The following CACNA1I variants were observed in gnomAD, a reference collection of about 807,000 sequenced individuals.
CACNA1I encodes the protein voltage-dependent T-type calcium channel subunit alpha-1I.
Under a neutral mutation model 201.6 loss-of-function variants are expected in CACNA1I, and 74 were observed. That is an observed-to-expected ratio of 0.37 (90% CI 0.30 to 0.45). The LOEUF is 0.45. CACNA1I is among the 20% of genes least tolerant of loss of function. CACNA1I has a pLI of 1.00. For synonymous variants in CACNA1I, 1,431 were observed against 1,345.2 expected (o/e 1.06, Z -1.40); for missense variants, 2,346 against 3,138.1 (o/e 0.75, Z 6.03).
In CACNA1I at chr22:39,666,274, C is replaced by T. The variant is rs78136181; in HGVS notation, c.4104+268C>T. On this transcript the variant is annotated intron_variant, in intron 23 of 36. Coordinates refer to ENST00000402142, the MANE Select transcript of CACNA1I (RefSeq NM_021096.4). This position sits in a 1 kb window ranked among gnomAD's most constrained non-coding sequence, Gnocchi z 4.1. ...AACATTGGTTCTTGGCTCCCACCCC[C>T]GACCCAGGGACCCCTGACAGGAGTT... Among the ~76,000 whole-genome samples, 3 of 152,128 alleles carry T rather than the reference C, an allele frequency of 2.0e-5. No individual in the cohort carries two copies. The highest frequency in any genetic ancestry group is 4.8e-5 in the African/African-American group (2 of 41,496).
rs1422268796 is a variant in CACNA1I, at chr22:39,665,902, C to T, written c.4000C>T (p.His1334Tyr). The T allele has an allele frequency of 6.2e-7, 1 of 1,613,886 alleles. No homozygotes were observed. The highest frequency in any genetic ancestry group is 2.2e-5 in the East Asian group (1 of 44,878). Residue 1334 changes from histidine (H) to tyrosine (Y), a missense_variant, in exon 23 of 37, where the codon CAC (histidine) becomes TAC (tyrosine). Physicochemically the swap from His to Tyr is moderately conservative, Grantham distance 83. Transcript: ENST00000402142. This position sits in a 1 kb window ranked among gnomAD's most constrained non-coding sequence, Gnocchi z 5.5. The part of the protein sequence containing the change: ...GVQLFKGKFY[H>Y]CLGVDTRNIT... ...CCAGCTCTTCAAGGGCAAGTTCTAC[C>T]ACTGTCTGGGCGTGGACACCCGCAA...
At chr22:39,600,745 G>T in intron 3 of CACNA1I, 92 bp downstream of exon 3, 1 of 1,432,878 alleles carries the variant, frequency 7.0e-7, no homozygotes. Context: ...GCGATGAAGG[G>T]GAATCACGGT....
At chr22:39,647,676 A>AGTG in intron 8 of CACNA1I, 146 bp from the exon 9 acceptor site, 1 of 607,392 alleles carries the variant, frequency 1.6e-6, no homozygotes, top group Non-Finnish European at 3.0e-6. Flanking sequence ...GGCCTCCCAA[A>AGTG]GTGCTAGGAT....
chr22:39,598,952 T>TTG (rs2145826558), intron 2 of CACNA1I, among the ~76,000 whole-genome samples: 1 of 130,998 alleles, frequency 7.6e-6, no homozygotes, highest in Admixed American at 7.5e-5. Context: ...TTTTTTTTTT[T>TTG]TTTTTTTTTT....
intron 5 of CACNA1I, among the ~76,000 whole-genome samples, chr22:39,640,095 C>T (rs1353006283): frequency 6.6e-6 from 1 of 151,942 alleles, no homozygotes; most frequent in Non-Finnish European, 1.5e-5. Context: ...AAATCAAAGT[C>T]CAGAGAAGGG....
Position 39,682,580 on chromosome 22 carries a change from G to A in CACNA1I, c.5749G>A (p.Asp1917Asn), listed in dbSNP as rs1935737681. ...CTTGTCCTCTACGGCCGTCTCGCCG[G>A]ATCCAGAGAACTTCCTGTGTGAGAT... ...FPLSSTAVSP[D>N]PENFLCEMEE... is the part of the protein sequence containing the mutation. The change falls in exon 35 of 37, where the codon GAT becomes AAT. Residue 1917 changes from aspartate (D) to asparagine (N), a missense_variant. Asp to Asn is a conservative substitution (Grantham distance 23). Transcript: ENST00000402142. The A allele has an allele frequency of 6.2e-7, 1 of 1,613,666 alleles. No individual in the cohort carries two copies. Among genetic ancestry groups the A allele is most frequent in the Non-Finnish European group, 8.5e-7 (1 of 1,179,852 alleles).
chr22:39,687,563 G>C lies in CACNA1I; in HGVS notation c.*1158G>C, dbSNP rs918075047. 2.0e-5 allele frequency: 3 copies of C among 152,202 alleles called. No homozygotes were observed. Among genetic ancestry groups the C allele is most frequent in the African/African-American group, 7.2e-5 (3 of 41,408 alleles). The allele number at this position is 152,202 out of a possible 1,614,324, so 9.4% of individuals were successfully genotyped here. On this transcript the variant is annotated 3_prime_UTR_variant, in exon 37 of 37. Transcript: ENST00000402142. ...ATTCTAGGCAGGGGTGGGGGCACCT[G>C]CCTGGGCCCTGGGTCCAGCCGCATC...
Position 39,679,130 on chromosome 22 carries a change from C to G in CACNA1I, c.5079C>G (p.His1693Gln). ...AGGACACGCTGCGGGACTGCACCCACGACGAGCGCAGCTGCCTGAGCAGCC... is the reference window on the plus strand; with the variant it reads ...AGGACACGCTGCGGGACTGCACCCAGGACGAGCGCAGCTGCCTGAGCAGCC... ...IMKDTLRDCT[H>Q]DERSCLSSLQ... The change falls in exon 32 of 37, where the codon CAC (histidine) becomes CAG (glutamine). Residue 1693 changes from histidine (H) to glutamine (Q), a missense_variant. By Grantham distance (24) the His-to-Gln change is conservative. Around this residue, in one of 13 missense-constraint regions of CACNA1I, gnomAD observed 64 missense variants for 131.8 expected, o/e 0.49. Transcript: ENST00000402142. 1 of 1,593,860 alleles carries G rather than the reference C, an allele frequency of 6.3e-7. No individual in the cohort carries two copies. Among genetic ancestry groups the G allele is most frequent in the Non-Finnish European group, 8.5e-7 (1 of 1,171,268 alleles).
At chr22:39,678,240 G>T (rs917715118) in intron 31 of CACNA1I, 132 bp downstream of exon 31, 135 of 1,086,326 alleles carry the variant, frequency 1.2e-4, no homozygotes, top group Non-Finnish European at 1.4e-4. Flanking sequence ...GCACGGAGGA[G>T]TGGAGGGGCC....
Position 39,622,934 on chromosome 22 carries a change from C to A in CACNA1I, c.580+3527C>A, listed in dbSNP as rs375662873. 6.6e-5 allele frequency among the ~76,000 whole-genome samples: 10 copies of A among 152,318 alleles called. No homozygotes were observed. In the East Asian group the frequency reaches 1.9e-3, roughly 29 times the overall value. Reference sequence around the variant, plus strand: ...GGGACCATGGTCACACTCCAGGCCACGGAGCCCACAGGCACCGCCACCTTC... The same window carrying A: ...GGGACCATGGTCACACTCCAGGCCAAGGAGCCCACAGGCACCGCCACCTTC... On this transcript the variant is annotated intron_variant, in intron 4 of 36. Coordinates refer to ENST00000402142, the MANE Select transcript of CACNA1I (RefSeq NM_021096.4).
chr22:39,673,126 C>G, intron 28 of CACNA1I, 44 bp downstream of exon 28: 5 of 1,127,872 alleles, frequency 4.4e-6, no homozygotes, highest in South Asian at 2.9e-5. Flanking sequence ...CAAGCAGGGG[C>G]GGGATGAGAC....
chr22:39,683,248 A>T (rs1210819166), intron 35 of CACNA1I, among the ~76,000 whole-genome samples: 1 of 152,076 alleles, frequency 6.6e-6, no homozygotes, highest in Non-Finnish European at 1.5e-5. Context: ...GTCCTCATGG[A>T]GGGTGGCAGG....
chr22:39,572,304 G>A (rs1229902866), intron 1 of CACNA1I, among the ~76,000 whole-genome samples: 1 of 152,056 alleles, frequency 6.6e-6, no homozygotes, highest in Non-Finnish European at 1.5e-5. Flanking sequence ...ACCAAAAAAT[G>A]CCCATATGTG....
chr22:39,624,238 C>T (rs970685211), intron 4 of CACNA1I, among the ~76,000 whole-genome samples: 9 of 151,998 alleles, frequency 5.9e-5, no homozygotes, highest in African/African-American at 1.9e-4. Context: ...CCCTCCAGGT[C>T]CTCTTTGCTC....
chr22:39,640,551 C>T (rs1454235728), intron 5 of CACNA1I, among the ~76,000 whole-genome samples: 1 of 152,168 alleles, frequency 6.6e-6, no homozygotes, highest in Non-Finnish European at 1.5e-5. Flanking sequence ...GCGAACCCAA[C>T]AGTGTGTGTG....
intron 4 of CACNA1I, among the ~76,000 whole-genome samples, chr22:39,620,796 C>A (rs1182582117): frequency 6.6e-6 from 1 of 152,010 alleles, no homozygotes; most frequent in Non-Finnish European, 1.5e-5. Flanking sequence ...GCTCTGTTGC[C>A]CAGACTGGAG....
chr22:39,639,454 C>T lies in CACNA1I; in HGVS notation c.741-1413C>T, dbSNP rs368509166. Among the ~76,000 whole-genome samples, 45 of 152,172 alleles carry T rather than the reference C, an allele frequency of 3.0e-4. No individual in the cohort carries two copies. The East Asian group carries it at 7.7e-3, about 26-fold the overall frequency. On this transcript the variant is annotated intron_variant, in intron 5 of 36. Transcript: ENST00000402142. ...AAAAATATTCCATATTTTCTTATAA[C>T]GTTTTTGTGGTGATGTTCATTGCAT...
Position 39,652,948 on chromosome 22 carries a change from G to T in CACNA1I, c.1992+3023G>T, listed in dbSNP as rs142074635. ...CAAATCAGCCAAACAAACCAATCCT[G>T]GTTCTGCTATTGACTGGCAGGGTGG... On this transcript the variant is annotated intron_variant, in intron 10 of 36. Transcript: ENST00000402142. Among the ~76,000 whole-genome samples the T allele has an allele frequency of 8.3e-4, 126 of 152,294 alleles. 4 individuals carry two copies. In the East Asian group the frequency reaches 0.022, roughly 27 times the overall value.
At position 39,648,807 on chromosome 22, in the gene CACNA1I, C is replaced by T. The variant is rs549276087; in HGVS notation, c.1568-694C>T. On this transcript the variant is annotated intron_variant, in intron 9 of 36. Coordinates refer to ENST00000402142, the MANE Select transcript of CACNA1I (RefSeq NM_021096.4). This position sits in a 1 kb window ranked among gnomAD's most constrained non-coding sequence, Gnocchi z 5.4. ...CCTCTTTGAGATGGTTCACAGATCA[C>T]AGAACTCAGTCCAGGGCCAGCCCAG... 1.3e-4 allele frequency among the ~76,000 whole-genome samples: 20 copies of T among 152,240 alleles called. No homozygotes were observed. Among genetic ancestry groups the T allele is most frequent in the African/African-American group, 4.3e-4 (18 of 41,544 alleles).
Sources: allele counts gnomAD v4.1 joint callset (sites outside exome capture counted in the v4.1 genomes callset), GRCh38; gene constraint gnomAD v4.1.1; regional missense constraint gnomAD v4.1.1; non-coding constraint Gnocchi (gnomAD v3.1); transcripts MANE v1.5; gene names NCBI Gene and HGNC (gene_info 2026-07-23, HGNC 2026-07-21).